The following LYST variants were observed in gnomAD, a reference collection of about 807,000 sequenced individuals.
LYST encodes lysosomal trafficking regulator, also known as lysosomal-trafficking regulator.
LYST carries 192 observed loss-of-function variants against 413.6 expected under a neutral mutation model. That is an observed-to-expected ratio of 0.46 (90% CI 0.41 to 0.52). The LOEUF is 0.52. LYST is among the 20% of genes least tolerant of loss of function. The probability of loss-of-function intolerance (pLI) is 0.00; values close to 1 mark genes in which losing one functional copy is unlikely to be tolerated. For synonymous variants in LYST, 1,525 were observed against 1,567.3 expected (o/e 0.97, Z 0.64); for missense variants, 3,815 against 4,499.9 (o/e 0.85, Z 4.35).
rs1663087466 is a variant in LYST at position 235,718,926 on chromosome 1, G to A, written c.9560+1735C>T. Among the ~76,000 whole-genome samples the A allele has an allele frequency of 2.0e-5, 3 of 152,096 alleles. No homozygotes were observed. In the South Asian group the frequency reaches 6.2e-4, roughly 32 times the overall value. On this transcript the variant is annotated intron_variant, in intron 40 of 52. Transcript: ENST00000389793. Reference sequence around the variant, plus strand: ...ACCTTACGTTTCTTTTTATTTCCATGTGTTTCAACTAATTGCAGTCATTAT... The same window carrying A: ...ACCTTACGTTTCTTTTTATTTCCATATGTTTCAACTAATTGCAGTCATTAT...
chr1:235,807,453 C>T (rs577775413), intron 5 of LYST, among the ~76,000 whole-genome samples: 1 of 152,252 alleles, frequency 6.6e-6, no homozygotes, highest in South Asian at 2.1e-4. Flanking sequence ...AGGTTGTCCA[C>T]GAATACGCCA....
At chr1:235,815,335 T>A (rs1673937791) in intron 3 of LYST, among the ~76,000 whole-genome samples, 1 of 152,142 alleles carries the variant, frequency 6.6e-6, no homozygotes, top group Non-Finnish European at 1.5e-5. Context: ...ATTTCAGATA[T>A]AATGTTGTGC....
chr1:235,861,690 T>C (rs1314571088), intron 1 of LYST, among the ~76,000 whole-genome samples: 1 of 152,206 alleles, frequency 6.6e-6, no homozygotes, highest in African/African-American at 2.4e-5. Flanking sequence ...AGATGACGTG[T>C]TGCTGTGTTG....
chr1:235,851,450 A>G (rs904516343), intron 1 of LYST, among the ~76,000 whole-genome samples: 2 of 152,108 alleles, frequency 1.3e-5, no homozygotes, highest in African/African-American at 4.8e-5. Flanking sequence ...AATATGGTAC[A>G]GTGTATACTG....
chr1:235,857,717 GTATA>G (rs1398524149), intron 1 of LYST, among the ~76,000 whole-genome samples: 2 of 87,466 alleles, frequency 2.3e-5, no homozygotes, highest in African/African-American at 1.0e-4. Context: ...ACACACACAC[GTATA>G]TATACACAAA....
chr1:235,796,628 G>A (rs1671582370), intron 10 of LYST, among the ~76,000 whole-genome samples: 1 of 152,174 alleles, frequency 6.6e-6, no homozygotes, highest in Non-Finnish European at 1.5e-5. Context: ...GGGTCATGAG[G>A]AGTCTGCCCT....
chr1:235,757,458 A>G lies in LYST; in HGVS notation c.6882T>C (p.Ser2294=). The change falls in exon 24 of 53, where the codon AGT becomes AGC. Residue 2294 remains serine (S), a splice_region_variant and synonymous_variant. Transcript: ENST00000389793. The part of the protein sequence containing the change: ...PNYNRTASAH[S]VTEDCLVPIC... ...TAGGTACCAAACAGTCTTCAGTTAC[A>G]CTAAAACAGAGACCAAAAAAGTCTT... 6.2e-7 allele frequency: 1 copy of G among 1,612,946 alleles called. No individual in the cohort carries two copies. The highest frequency in any genetic ancestry group is 8.5e-7 in the Non-Finnish European group (1 of 1,179,074).
At chr1:235,856,685 G>A (rs1036604527) in intron 1 of LYST, among the ~76,000 whole-genome samples, 6 of 152,142 alleles carry the variant, frequency 3.9e-5, no homozygotes, top group Admixed American at 3.9e-4. Context: ...TGGAGCAAAT[G>A]ACTTTAGAAA....
In LYST at chr1:235,802,193, CAAAA is replaced by C. The variant is rs35511208; in HGVS notation, c.3712+711_3712+714del. ...TGGGCGACAGAGCAAGACTCCATTT[CAAAA>C]AAAAAAAAAAAAAAAAAAAAAAACT... is the stretch of plus-strand genomic sequence containing the variant. On this transcript the variant is annotated intron_variant, in intron 8 of 52. Transcript: ENST00000389793. 1.8e-4 allele frequency among the ~76,000 whole-genome samples: 8 copies of C among 45,072 alleles called. No homozygotes were observed. The East Asian group carries it at 4.1e-3, about 23-fold the overall frequency. The allele number at this position is 45,072 out of a possible 152,430, so 29.6% of individuals were successfully genotyped here.
intron 6 of LYST, among the ~76,000 whole-genome samples, chr1:235,805,327 C>T (rs1572322685): frequency 6.6e-6 from 1 of 152,114 alleles, no homozygotes; most frequent in East Asian, 1.9e-4. Flanking sequence ...CTTAGAGCCA[C>T]ATCTATCAGC....
At chr1:235,719,726 T>G (rs1663173591) in intron 40 of LYST, among the ~76,000 whole-genome samples, 1 of 152,058 alleles carries the variant, frequency 6.6e-6, no homozygotes, top group African/African-American at 2.4e-5. Flanking sequence ...GCAAGACTTT[T>G]CCAGTCTCTA....
chr1:235,817,862 ATAAAAG>A (rs915066037), intron 3 of LYST, among the ~76,000 whole-genome samples: 7 of 152,222 alleles, frequency 4.6e-5, no homozygotes, highest in East Asian at 1.9e-4. Flanking sequence ...TGAACCTAAA[ATAAAAG>A]TAAAAAAAAA....
intron 25 of LYST, 43 bp from the exon 26 acceptor site, chr1:235,753,317 C>T: frequency 8.3e-7 from 1 of 1,200,672 alleles, no homozygotes; most frequent in Non-Finnish European, 1.2e-6. Flanking sequence ...GAAACAATCA[C>T]AAAATAAGAA....
chr1:235,762,967 A>G, intron 21 of LYST, 116 bp from the exon 22 acceptor site: 1 of 763,142 alleles, frequency 1.3e-6, no homozygotes, highest in Middle Eastern at 2.6e-4. Flanking sequence ...TTAAAGAGAA[A>G]AATATATAGC....
In LYST at chr1:235,781,989, G is replaced by T. The variant is rs146596853; in HGVS notation, c.4961C>A (p.Ser1654Tyr). ...AGCCAACTGCAAAAACTCTTCTTGG[G>T]ATGATAAACAATGGCCAATCATGCA... Reference protein sequence around the residue: ...TFCMIGHCLSSQEEFLQLAGK... With the variant: ...TFCMIGHCLSYQEEFLQLAGK... Residue 1654 changes from serine to tyrosine, a missense_variant, in exon 15 of 53, where the codon TCC (serine) becomes TAC (tyrosine). Transcript: ENST00000389793. The T allele has an allele frequency of 6.2e-7, 1 of 1,613,642 alleles. No homozygotes were observed. The highest frequency in any genetic ancestry group is 8.5e-7 in the Non-Finnish European group (1 of 1,179,784).
At chr1:235,675,132 A>G (rs1480500623) in intron 50 of LYST, among the ~76,000 whole-genome samples, 1 of 152,204 alleles carries the variant, frequency 6.6e-6, no homozygotes, top group East Asian at 1.9e-4. Flanking sequence ...AAGGGGGAAA[A>G]GTGTCAGAAA....
intron 31 of LYST, chr1:235,736,406 A>C (rs1011565183): frequency 6.6e-6 from 1 of 152,180 alleles, no homozygotes; most frequent in Non-Finnish European, 1.5e-5. Flanking sequence ...AAATGAATGG[A>C]TAGAATGAGG....
intron 21 of LYST, 28 bp downstream of exon 21, chr1:235,766,051 A>G: frequency 6.5e-7 from 1 of 1,527,402 alleles, no homozygotes; most frequent in Non-Finnish European, 9.1e-7. Context: ...GGAAATAGCC[A>G]TGATCTAACA....
chr1:235,753,265 C>T lies in LYST; in HGVS notation c.7239G>A (p.Leu2413=), dbSNP rs948420503. 2 of 1,573,160 alleles carry T rather than the reference C, an allele frequency of 1.3e-6. No homozygotes were observed. Among genetic ancestry groups the T allele is most frequent in the African/African-American group, 2.7e-5 (2 of 74,150 alleles). Residue 2413 remains leucine (L), a synonymous_variant, in exon 26 of 53, where the codon CTG becomes CTA. Coordinates refer to ENST00000389793, the MANE Select transcript of LYST (RefSeq NM_000081.4). The stretch of plus-strand genomic sequence containing the variant: ...ACAATCCCATGTTTCTCACATCTTC[C>T]AGATCAAATCTATAATAAATAATAC... The part of the protein sequence containing the change: ...RHIGLDEEFD[L]EDVRNMGLFQ...
Sources: allele counts gnomAD v4.1 joint callset (sites outside exome capture counted in the v4.1 genomes callset), GRCh38; gene constraint gnomAD v4.1.1; transcripts MANE v1.5; gene names NCBI Gene and HGNC (gene_info 2026-07-23, HGNC 2026-07-21).